NLRP5: variants seen among roughly 807,000 people sequenced by gnomAD.
NLRP5 encodes NLR family pyrin domain containing 5, also known as NACHT, LRR and PYD domains-containing protein 5.
A neutral mutation model predicts 113.1 loss-of-function variants in NLRP5; 93 were observed. The ratio of observed to expected loss-of-function variants is 0.82; its 90% confidence interval spans 0.70 to 0.98. The LOEUF is 0.98. Ranked by LOEUF, NLRP5 falls within the 50% of genes least tolerant of loss-of-function variation. The probability of loss-of-function intolerance (pLI) is 0.00; values close to 1 mark genes in which losing one functional copy is unlikely to be tolerated. For synonymous variants in NLRP5, 751 were observed against 600.7 expected, an observed-to-expected ratio of 1.25 and a Z score of -3.66; for missense variants, 1,808 against 1,514.3, an observed-to-expected ratio of 1.19 and a Z score of -3.22.
intron 2 of NLRP5, among the ~76,000 whole-genome samples, chr19:56,008,445 G>A (rs1351360086): frequency 6.6e-6 from 1 of 152,114 alleles, no homozygotes; most frequent in Non-Finnish European, 1.5e-5. Flanking sequence ...GGCATCTAGT[G>A]AGTCATTGAC....
At chr19:55,987,993 T>C in the NLRP5 span, 1 of 1,056,428 alleles carries the variant, frequency 9.5e-7, no homozygotes, top group Non-Finnish European at 1.5e-6. Flanking sequence ...GTTATCATCC[T>C]GTATGCATTA....
chr19:56,029,446 A>T (rs371745883), intron 7 of NLRP5, among the ~76,000 whole-genome samples: 109 of 151,486 alleles, frequency 7.2e-4, no homozygotes, highest in African/African-American at 2.4e-3. Flanking sequence ...TTGTATTTTT[A>T]GTAGAGACAG....
chr19:56,043,997 A>G (rs901525526), intron 11 of NLRP5, among the ~76,000 whole-genome samples: 2 of 146,672 alleles, frequency 1.4e-5, no homozygotes, highest in African/African-American at 5.0e-5. Context: ...GCCTAAGCCA[A>G]TGTCTCGAAG....
At chr19:56,007,892 CGTGCGCGCGTGCGTGTGTGT>C (rs1030452727) in intron 2 of NLRP5, among the ~76,000 whole-genome samples, 3 of 106,846 alleles carry the variant, frequency 2.8e-5, no homozygotes, top group East Asian at 2.6e-4. Flanking sequence ...TGTGTGTGCG[CGTGCGCGCGTGCGTGTGTGT>C]GTGTGTGTGT....
At chr19:56,032,851 A>G (rs747778008) in intron 8 of NLRP5, 70 bp downstream of exon 8, 4 of 1,458,540 alleles carry the variant, frequency 2.7e-6, no homozygotes, top group Non-Finnish European at 3.7e-6. Flanking sequence ...CTACCTCCTG[A>G]GAGACCCATC....
At position 56,027,217 on chromosome 19, in the gene NLRP5, G is replaced by A; in HGVS notation, c.984G>A (p.Lys328=). The change falls in exon 7 of 15, where the codon AAG becomes AAA. Residue 328 remains lysine, a synonymous_variant. Transcript: ENST00000390649. Reference sequence around the variant, plus strand: ...CCGTTAGAGAGATGCAGCGGAAGAAGGAGAGCAGTGTCACAGAGTTCATCT... The same window carrying A: ...CCGTTAGAGAGATGCAGCGGAAGAAAGAGAGCAGTGTCACAGAGTTCATCT... 2 of 1,612,266 alleles carry A rather than the reference G, an allele frequency of 1.2e-6. No individual in the cohort carries two copies. Among genetic ancestry groups the A allele is most frequent in the South Asian group, 1.1e-5 (1 of 90,654 alleles).
chr19:56,043,423 C>T (rs1209722266), intron 11 of NLRP5, among the ~76,000 whole-genome samples: 2 of 151,930 alleles, frequency 1.3e-5, no homozygotes, highest in African/African-American at 2.4e-5. Flanking sequence ...TATTCATGTC[C>T]TTAGCCCACT....
chr19:56,044,676 T>G (rs1301400832), intron 11 of NLRP5, among the ~76,000 whole-genome samples: 2 of 152,142 alleles, frequency 1.3e-5, no homozygotes, highest in Non-Finnish European at 2.9e-5. Flanking sequence ...TTGCTGAGTT[T>G]TGCTTTGGCC....
intron 2 of NLRP5, 128 bp downstream of exon 2, chr19:56,004,223 G>T: frequency 1.0e-6 from 1 of 985,756 alleles, no homozygotes; most frequent in Non-Finnish European, 1.5e-6. Context: ...CTGTGAGAAG[G>T]ATCCTATTGG....
At chr19:56,037,913 C>G (rs1173409366) in intron 9 of NLRP5, 112 bp from the exon 10 acceptor site, 3 of 1,068,082 alleles carry the variant, frequency 2.8e-6, no homozygotes, top group Admixed American at 2.4e-5. Context: ...CAGGAGCAGA[C>G]AGAGTTCGAG....
intron 3 of NLRP5, among the ~76,000 whole-genome samples, chr19:56,014,433 T>A (rs951586195): frequency 2.0e-5 from 3 of 148,910 alleles, no homozygotes; most frequent in African/African-American, 7.5e-5. Flanking sequence ...TGAACCAAGA[T>A]CGTGCCATTG....
At position 56,050,543 on chromosome 19, in the gene NLRP5, T is replaced by C; in HGVS notation, c.3083T>C (p.Leu1028Pro). The C allele has an allele frequency of 6.2e-7, 1 of 1,613,966 alleles. No individual in the cohort carries two copies. Among genetic ancestry groups the C allele is most frequent in the Non-Finnish European group, 8.5e-7 (1 of 1,179,878 alleles). Residue 1028 changes from leucine to proline, a missense_variant, in exon 12 of 15, where the codon CTG becomes CCG. Transcript: ENST00000390649. ...GTGGAAGACAATGGCGTGAAGCTTC[T>C]GTGCGAGGTCATGAGAGAACCATCT...
At chr19:56,016,573 A>G (rs538195002) in intron 4 of NLRP5, among the ~76,000 whole-genome samples, 73 of 152,250 alleles carry the variant, frequency 4.8e-4, no homozygotes, top group African/African-American at 1.7e-3. Context: ...GTAAGTTTGT[A>G]CCTGTTGACT....
chr19:56,038,157 T>C lies in NLRP5; in HGVS notation c.2748T>C (p.Asp916=). The C allele has an allele frequency of 6.2e-7, 1 of 1,613,920 alleles. No individual in the cohort carries two copies. Residue 916 remains aspartate (D), a synonymous_variant, in exon 10 of 15, where the codon GAT becomes GAC. Coordinates refer to ENST00000390649, the MANE Select transcript of NLRP5 (RefSeq NM_153447.4). ...ACCAGGGAGTAATGCCTCTCAGTGATGCCTTGAGAGTCTCCCAGTGCGCCC... is the reference window on the plus strand; with the variant it reads ...ACCAGGGAGTAATGCCTCTCAGTGACGCCTTGAGAGTCTCCCAGTGCGCCC...
At chr19:56,029,340 C>G (rs955003441) in intron 7 of NLRP5, among the ~76,000 whole-genome samples, 19 of 152,152 alleles carry the variant, frequency 1.2e-4, no homozygotes, top group African/African-American at 4.1e-4. Context: ...GATCTTTGCT[C>G]ACTGCAATCT....
At chr19:56,048,116 TA>T (rs1983795155) in intron 11 of NLRP5, among the ~76,000 whole-genome samples, 1 of 152,212 alleles carries the variant, frequency 6.6e-6, no homozygotes, top group Non-Finnish European at 1.5e-5. Flanking sequence ...CTTTATGTGC[TA>T]GGTGAGTCTC....
intron 3 of NLRP5, among the ~76,000 whole-genome samples, chr19:56,014,191 G>A (rs1186439935): frequency 1.3e-5 from 2 of 151,910 alleles, no homozygotes; most frequent in South Asian, 2.1e-4. Context: ...TAAAAAAATT[G>A]TTTAACCCAG....
rs369128981 is a variant in NLRP5 at position 56,024,584 on chromosome 19, TAC to T, written c.680-2311_680-2310del. On this transcript the variant is annotated intron_variant, in intron 6 of 14. Coordinates refer to ENST00000390649, the MANE Select transcript of NLRP5 (RefSeq NM_153447.4). ...ATGTATATATACACATATATATACA[TAC>T]ACACACACACACACACATGAAATTA... 1.8e-3 allele frequency among the ~76,000 whole-genome samples: 259 copies of T among 147,244 alleles called. 1 individual carries two copies. The highest frequency in any genetic ancestry group is 0.014 in the Middle Eastern group (4 of 282).
chr19:56,027,515 T>C lies in NLRP5; in HGVS notation c.1282T>C (p.Leu428=), dbSNP rs751985845. 1 of 1,613,838 alleles carries C rather than the reference T, an allele frequency of 6.2e-7. No homozygotes were observed. Among genetic ancestry groups the C allele is most frequent in the South Asian group, 1.1e-5 (1 of 91,060 alleles). ...AGAGGTCGTGTCTCCCCGTTACCTG[T>C]TAGTTAGAGGAATCTCCGGGGAACA... Residue 428 remains leucine, a synonymous_variant, in exon 7 of 15, where the codon TTA becomes CTA. Transcript: ENST00000390649.
Sources: gnomAD v4.1 joint callset for allele counts (sites outside exome capture counted in the v4.1 genomes callset) on GRCh38, gnomAD v4.1.1 for gene constraint, MANE v1.5 for transcripts, NCBI Gene and HGNC (gene_info 2026-07-23, HGNC 2026-07-21) for gene names.